The following LRRC72 variants were observed in gnomAD, a reference collection of about 807,000 sequenced individuals.
The protein encoded by LRRC72 is leucine rich repeat containing 72, also known as leucine-rich repeat-containing protein 72.
Under a neutral mutation model 35.8 loss-of-function variants are expected in LRRC72, and 41 were observed. The ratio of observed to expected loss-of-function variants is 1.15; its 90% CI spans 0.89 to 1.49. The LOEUF (loss-of-function observed/expected upper bound fraction) is 1.49, where lower values mean the gene tolerates loss of function less well. LRRC72 is among the 40% of genes most tolerant of loss of function. LRRC72 has a pLI of 0.00. For missense variants in LRRC72, 389 were observed against 330.7 expected (o/e 1.18, Z -1.37); for synonymous variants, 118 against 119.2 (o/e 0.99, Z 0.07).
chr7:16,556,077 AAAAAATAGGCGTTC>A (rs993852478), intron 3 of LRRC72, among the ~76,000 whole-genome samples: 1 of 152,010 alleles, frequency 6.6e-6, no homozygotes, highest in African/African-American at 2.4e-5. Flanking sequence ...TACTAAAAAA[AAAAAATAGGCGTTC>A]TCCTTACAGG....
At chr7:16,572,130 A>G (rs574770868) in intron 7 of LRRC72, among the ~76,000 whole-genome samples, 22 of 152,308 alleles carry the variant, frequency 1.4e-4, no homozygotes, top group African/African-American at 3.9e-4. Context: ...CCCTGAACAG[A>G]CCAATAACAA....
At chr7:16,566,806 A>G (rs1782851908) in intron 6 of LRRC72, among the ~76,000 whole-genome samples, 1 of 152,162 alleles carries the variant, frequency 6.6e-6, no homozygotes, top group South Asian at 2.1e-4. Flanking sequence ...TTCTGTAAAT[A>G]TATATATATT....
chr7:16,531,158 G>T (rs934136988), intron 1 of LRRC72, among the ~76,000 whole-genome samples: 22 of 151,174 alleles, frequency 1.5e-4, no homozygotes, highest in African/African-American at 4.9e-4. Context: ...ACTCCAGCCT[G>T]GGCAACAGAG....
chr7:16,557,878 C>T (rs940708551), intron 4 of LRRC72, among the ~76,000 whole-genome samples: 4 of 152,142 alleles, frequency 2.6e-5, no homozygotes, highest in Non-Finnish European at 5.9e-5. Context: ...GTTATAAAAG[C>T]ATGTGGCATA....
intron 4 of LRRC72, among the ~76,000 whole-genome samples, chr7:16,557,724 A>G (rs1782675083): frequency 6.6e-6 from 1 of 152,198 alleles, no homozygotes; most frequent in Non-Finnish European, 1.5e-5. Context: ...TTTTAACAAT[A>G]GTTGGGAGCA....
At chr7:16,531,889 G>A (rs534137895) in intron 1 of LRRC72, among the ~76,000 whole-genome samples, 1 of 152,292 alleles carries the variant, frequency 6.6e-6, no homozygotes, top group South Asian at 2.1e-4. Context: ...CTCACAGCAT[G>A]AGTATGTTAG....
In LRRC72 at chr7:16,581,467, T is replaced by G. The variant is rs753636642; in HGVS notation, c.842T>G (p.Met281Arg). Residue 281 changes from methionine (M) to arginine (R), a missense_variant, in exon 9 of 9, where the codon ATG (methionine) becomes AGG (arginine). Transcript: ENST00000401542. ...LEEEGTETAQMLTVTLR is the reference protein window; with the variant it reads ...LEEEGTETAQRLTVTLR ...GAGGAAGGCACAGAAACAGCTCAAA[T>G]GCTCACAGTTACACTGAGATAAGCC... is the stretch of plus-strand genomic sequence containing the variant. 103 of 1,549,326 alleles carry G rather than the reference T, an allele frequency of 6.6e-5. No individual in the cohort carries two copies. The highest frequency in any genetic ancestry group is 1.1e-5 in the Non-Finnish European group (13 of 1,146,578).
chr7:16,541,944 G>A (rs1016394326), intron 3 of LRRC72, among the ~76,000 whole-genome samples: 1 of 149,364 alleles, frequency 6.7e-6, no homozygotes, highest in African/African-American at 2.5e-5. Flanking sequence ...CAGACAGACA[G>A]ACACACACAC....
In LRRC72 at chr7:16,557,269, A is replaced by G. The variant is rs182729684; in HGVS notation, c.235-91A>G. On this transcript the variant is annotated intron_variant, in intron 3 of 8. Transcript: ENST00000401542. ...TTTTATTATCTTATTATAATTAAATATATATTATTTATGTATATCAGGTTA... is the reference window on the plus strand; with the variant it reads ...TTTTATTATCTTATTATAATTAAATGTATATTATTTATGTATATCAGGTTA... The G allele has an allele frequency of 2.1e-4, 65 of 311,620 alleles. No homozygotes were observed. In the Middle Eastern group the frequency reaches 5.1e-3, roughly 25 times the overall value. 19.3% of individuals were successfully genotyped at this position (311,620 alleles called of 1,614,324 possible).
rs569240694 is a variant in LRRC72, at chr7:16,568,426, T to A, written c.670+883T>A. On this transcript the variant is annotated intron_variant, in intron 7 of 8. Coordinates refer to ENST00000401542, the MANE Select transcript of LRRC72 (RefSeq NM_001195280.2). ...GAATTAAAAAATAGTTTGGAAGAAA[T>A]TACCCAGAATGCTAAATGGAGAAAG... Among the ~76,000 whole-genome samples, 3 of 152,090 alleles carry A rather than the reference T, an allele frequency of 2.0e-5. No homozygotes were observed. In the South Asian group the frequency reaches 6.2e-4, roughly 32 times the overall value.
At chr7:16,569,232 A>C (rs1289525857) in intron 7 of LRRC72, among the ~76,000 whole-genome samples, 2 of 152,082 alleles carry the variant, frequency 1.3e-5, no homozygotes, top group African/African-American at 4.8e-5. Flanking sequence ...GTTTAAGACC[A>C]GCCTGACCAA....
chr7:16,557,373 C>T lies in LRRC72; in HGVS notation c.248C>T (p.Thr83Ile), dbSNP rs901130877. Reference protein sequence around the residue: ...WLHHNKLHGITFLTRNYCLTE... With the variant: ...WLHHNKLHGIIFLTRNYCLTE... ...TCTCATTTTTAGCTCCATGGAATAA[C>T]ATTTCTAACTAGAAACTATTGTCTG... Residue 83 changes from threonine to isoleucine, a missense_variant, in exon 4 of 9, where the codon ACA (threonine) becomes ATA (isoleucine). Thr to Ile is a moderately conservative substitution (Grantham distance 89). Transcript: ENST00000401542. 18 of 1,305,710 alleles carry T rather than the reference C, an allele frequency of 1.4e-5. No individual in the cohort carries two copies. Among genetic ancestry groups the T allele is most frequent in the African/African-American group, 4.6e-5 (3 of 65,584 alleles). The allele number at this position is 1,305,710 out of a possible 1,614,324, so 80.9% of individuals were successfully genotyped here. A position where few individuals can be genotyped will look rare whatever the true frequency, so the allele number is the denominator to read the frequency against.
intron 2 of LRRC72, among the ~76,000 whole-genome samples, chr7:16,535,706 G>T (rs941710212): frequency 1.3e-5 from 2 of 152,124 alleles, no homozygotes; most frequent in East Asian, 3.9e-4. Flanking sequence ...GCAGACTGAC[G>T]TCATTTGGAT....
chr7:16,553,917 A>ACTT (rs1782600125), intron 3 of LRRC72, among the ~76,000 whole-genome samples: 2 of 152,232 alleles, frequency 1.3e-5, no homozygotes, highest in South Asian at 4.1e-4. Context: ...TCTATTGAGC[A>ACTT]CTTGTTATGC....
intron 3 of LRRC72, among the ~76,000 whole-genome samples, chr7:16,548,763 A>G (rs1044546775): frequency 6.6e-6 from 1 of 152,224 alleles, no homozygotes; most frequent in Non-Finnish European, 1.5e-5. Flanking sequence ...CCAGCCCAGC[A>G]GGCCAGAGCA....
intron 5 of LRRC72, among the ~76,000 whole-genome samples, chr7:16,559,386 CCT>C (rs1309571120): frequency 6.6e-6 from 1 of 151,360 alleles, no homozygotes; most frequent in Non-Finnish European, 1.5e-5. Context: ...AGAGCAAGAC[CCT>C]GTCTCAGAAA....
At chr7:16,562,222 CCCT>C (rs1304197825) in intron 5 of LRRC72, among the ~76,000 whole-genome samples, 9 of 152,256 alleles carry the variant, frequency 5.9e-5, no homozygotes, top group Admixed American at 2.0e-4. Flanking sequence ...CCTTTCCACA[CCCT>C]CTCTTTCTAG....
intron 3 of LRRC72, among the ~76,000 whole-genome samples, chr7:16,541,533 A>G (rs1782356994): frequency 6.6e-6 from 1 of 152,224 alleles, no homozygotes; most frequent in South Asian, 2.1e-4. Flanking sequence ...AACAAACACA[A>G]ATACCTTCAA....
intron 4 of LRRC72, among the ~76,000 whole-genome samples, 155 bp from the exon 5 acceptor site, chr7:16,558,731 ATAT>A (rs1470464568): frequency 6.6e-6 from 1 of 151,928 alleles, no homozygotes; most frequent in Non-Finnish European, 1.5e-5. Flanking sequence ...AATTTATAAT[ATAT>A]TATTAATAGT....
Sources: allele counts gnomAD v4.1 joint callset (sites outside exome capture counted in the v4.1 genomes callset), GRCh38; gene constraint gnomAD v4.1.1; transcripts MANE v1.5; gene names NCBI Gene and HGNC (gene_info 2026-07-23, HGNC 2026-07-21).